The following ZNF746 variants were observed in gnomAD, a reference collection of about 807,000 sequenced individuals.
ZNF746 encodes zinc finger protein 746.
A neutral mutation model predicts 41.0 loss-of-function variants in ZNF746; 13 were observed. The observed-to-expected ratio is 0.32, with a 90% CI of 0.21 to 0.50. The LOEUF is 0.50. Among genes scored for constraint, ZNF746 ranks in the 20% least tolerant of loss-of-function variants. ZNF746 has a pLI of 0.98. For missense variants in ZNF746, 811 were observed against 922.9 expected, an observed-to-expected ratio of 0.88 and a Z score of 1.57; for synonymous variants, 424 against 396.2, an observed-to-expected ratio of 1.07 and a Z score of -0.83.
chr7:149,483,308 TA>T, intron 4 of ZNF746, among the ~76,000 whole-genome samples: 1 of 152,272 alleles, frequency 6.6e-6, no homozygotes, highest in East Asian at 1.9e-4. Flanking sequence ...CTTGTATGTT[TA>T]TATTAAAAAA....
At chr7:149,492,102 T>G in intron 4 of ZNF746, 1 of 671,528 alleles carries the variant, frequency 1.5e-6, no homozygotes, top group Non-Finnish European at 2.7e-6. Flanking sequence ...TTGCAAAGCT[T>G]TGGATTAATT....
At chr7:149,489,734 C>G (rs1384509860) in intron 4 of ZNF746, 2 of 152,994 alleles carry the variant, frequency 1.3e-5, no homozygotes, top group Non-Finnish European at 2.9e-5. Context: ...AAAGGGATTA[C>G]TCTGCTGGGC....
At chr7:149,489,288 A>G (rs1417953129) in intron 4 of ZNF746, 1 of 151,794 alleles carries the variant, frequency 6.6e-6, no homozygotes, top group Non-Finnish European at 1.5e-5. Context: ...TTAAATTTTG[A>G]AACAGCATAC....
At chr7:149,485,554 T>C (rs1404527061) in intron 4 of ZNF746, among the ~76,000 whole-genome samples, 18 of 152,178 alleles carry the variant, frequency 1.2e-4, no homozygotes, top group Admixed American at 1.1e-3. Context: ...GGTGCACTGG[T>C]GTACTACAAC....
At chr7:149,493,964 C>CA (rs1276332707) in intron 3 of ZNF746, 25 bp downstream of exon 3, 1 of 1,614,202 alleles carries the variant, frequency 6.2e-7, no homozygotes, top group Admixed American at 1.7e-5. Context: ...TCCCATTTAA[C>CA]AGAGAAATGA....
Position 149,477,687 on chromosome 7 carries a change from G to A in ZNF746, c.634C>T (p.Gln212Ter). 1 of 1,613,948 alleles carries A rather than the reference G, an allele frequency of 6.2e-7. No homozygotes were observed. Among genetic ancestry groups the A allele is most frequent in the Non-Finnish European group, 8.5e-7 (1 of 1,179,920 alleles). Reference protein sequence around the residue: ...QIKQEGELQLQEQQALGVEAW... With the variant: ...QIKQEGELQL ...TCCACGCCCAGGGCCTGCTGCTCCT[G>A]GAGCTGGAGCTCACCCTCCTGCTTG... Residue 212 changes from glutamine (Q) to a stop codon, truncating the protein, a stop_gained, in exon 5 of 7, where the codon CAG (glutamine) becomes TAG (stop). Transcript: ENST00000458143. LOFTEE classifies it high-confidence loss of function.
intron 4 of ZNF746, chr7:149,487,611 A>AC (rs1159155455): frequency 2.6e-5 from 4 of 152,206 alleles, no homozygotes; most frequent in Non-Finnish European, 5.9e-5. Context: ...AAAGAAACAA[A>AC]CCATTAGACA....
In ZNF746 at chr7:149,473,832, G is replaced by GA. The variant is rs1233151310; in HGVS notation, c.*551_*552insT. The GA allele has an allele frequency of 6.4e-6, 1 of 157,114 alleles. No homozygotes were observed. The highest frequency in any genetic ancestry group is 2.4e-5 in the African/African-American group (1 of 41,454). 9.7% of individuals were successfully genotyped at this position (157,114 alleles called of 1,614,324 possible). On this transcript the variant is annotated 3_prime_UTR_variant, in exon 7 of 7. Transcript: ENST00000458143. ...GAAATGCAACCGCTACTCCCGGAGG[G>GA]GTCCTTCCTGCTGCACTGAGGTGTG...
intron 4 of ZNF746, among the ~76,000 whole-genome samples, chr7:149,482,471 T>G (rs1255489996): frequency 6.6e-6 from 1 of 151,668 alleles, no homozygotes; most frequent in African/African-American, 2.4e-5. Context: ...TCTAAGGTTT[T>G]TTTTTTTTTT....
chr7:149,487,251 G>A (rs554504730), intron 4 of ZNF746, among the ~76,000 whole-genome samples: 4 of 152,170 alleles, frequency 2.6e-5, no homozygotes, highest in South Asian at 4.1e-4. Context: ...AAAAGGTTCC[G>A]GACTGCTATT....
At chr7:149,480,865 T>C (rs1395556730) in intron 4 of ZNF746, among the ~76,000 whole-genome samples, 1 of 152,094 alleles carries the variant, frequency 6.6e-6, no homozygotes, top group Admixed American at 6.5e-5. Context: ...GAGCTAAAAA[T>C]ATAAAGAGGG....
intron 4 of ZNF746, chr7:149,491,819 G>C: frequency 1.4e-6 from 1 of 699,310 alleles, no homozygotes; most frequent in South Asian, 1.5e-5. Flanking sequence ...GAGCCTTGCA[G>C]AGATGTGGTC....
At chr7:149,481,990 A>G (rs1470222519) in intron 4 of ZNF746, among the ~76,000 whole-genome samples, 1 of 152,260 alleles carries the variant, frequency 6.6e-6, no homozygotes. Context: ...CAGGTGAAAT[A>G]AATGTTAACA....
chr7:149,489,344 T>G (rs1176834555), intron 4 of ZNF746: 1 of 152,078 alleles, frequency 6.6e-6, no homozygotes, highest in Non-Finnish European at 1.5e-5. Flanking sequence ...TAGGCAATAC[T>G]CTAGGTTCCT....
chr7:149,493,345 C>T (rs548315131), intron 3 of ZNF746, among the ~76,000 whole-genome samples: 56 of 152,254 alleles, frequency 3.7e-4, no homozygotes, highest in South Asian at 1.0e-3. Context: ...CTTGTGCTGA[C>T]GAAACAACCT....
rs1350830001 is a variant in ZNF746 at position 149,497,409 on chromosome 7, C to T, written c.24+104G>A. ...GGAGCCCCAGGCCCGGTGGTCCGGC[C>T]CGGACCCCGGAACCCCTCCCCAGGG... On this transcript the variant is annotated intron_variant, in intron 1 of 6. Coordinates refer to ENST00000458143, the MANE Select transcript of ZNF746 (RefSeq NM_001394198.1). This position sits in a 1 kb window ranked among gnomAD's most constrained non-coding sequence, Gnocchi z 4.2. The T allele has an allele frequency of 9.8e-6, 10 of 1,019,490 alleles. No individual in the cohort carries two copies. Among genetic ancestry groups the T allele is most frequent in the Non-Finnish European group, 1.2e-5 (10 of 849,302 alleles). 63.2% of individuals were successfully genotyped at this position (1,019,490 alleles called of 1,614,324 possible). A position where few individuals can be genotyped will look rare whatever the true frequency, so the allele number is the denominator to read the frequency against.
At position 149,475,069 on chromosome 7, in the gene ZNF746, G is replaced by T; in HGVS notation, c.1298C>A (p.Ala433Asp). 6.3e-7 allele frequency: 1 copy of T among 1,592,202 alleles called. No individual in the cohort carries two copies. Among genetic ancestry groups the T allele is most frequent in the Non-Finnish European group, 8.5e-7 (1 of 1,170,198 alleles). The change falls in exon 7 of 7, where the codon GCC becomes GAC. Residue 433 changes from alanine (A) to aspartate (D), a missense_variant. This residue lies in a region of ZNF746 where 495 missense variants were observed against 481.6 expected (regional missense o/e 1.03). Coordinates refer to ENST00000458143, the MANE Select transcript of ZNF746 (RefSeq NM_001394198.1). ...NGEAILDPSQ[A>D]PRPFNEPCKY... ...ACAGGGTTCGTTGAATGGCCTTGGG[G>T]CCTGGCTGGGGTCCAAGATGGCCTC...
intron 6 of ZNF746, among the ~76,000 whole-genome samples, chr7:149,476,036 C>G (rs1350383943): frequency 6.6e-6 from 1 of 152,130 alleles, no homozygotes; most frequent in East Asian, 1.9e-4. Flanking sequence ...TGTGTTTGGC[C>G]AGGCGCGGTG....
At position 149,477,021 on chromosome 7, in the gene ZNF746, T is replaced by C. The variant is rs757871403; in HGVS notation, c.784A>G (p.Ile262Val). 18 of 1,613,024 alleles carry C rather than the reference T, an allele frequency of 1.1e-5. No individual in the cohort carries two copies. Among genetic ancestry groups the C allele is most frequent in the African/African-American group, 2.7e-5 (2 of 74,746 alleles). The change falls in exon 6 of 7, where the codon ATC (isoleucine) becomes GTC (valine). Residue 262 changes from isoleucine (I) to valine (V), a missense_variant. By Grantham distance (29) the Ile-to-Val change is conservative. This residue lies in a region of ZNF746 where 495 missense variants were observed against 481.6 expected (regional missense o/e 1.03). Transcript: ENST00000458143. Reference sequence around the variant, plus strand: ...TCCGTTTGCCAGGAGGTGGGCGGGATGGTGGTGGAAAAGTTGGAATGGACA... The same window carrying C: ...TCCGTTTGCCAGGAGGTGGGCGGGACGGTGGTGGAAAAGTTGGAATGGACA... ...SGVHSNFSTTIPPTSWQTDLP... is the reference protein window; with the variant it reads ...SGVHSNFSTTVPPTSWQTDLP...
Sources: gnomAD v4.1 joint callset for allele counts (sites outside exome capture counted in the v4.1 genomes callset) on GRCh38, gnomAD v4.1.1 for gene constraint, gnomAD v4.1.1 regional missense constraint, Gnocchi (gnomAD v3.1) non-coding constraint, MANE v1.5 for transcripts, NCBI Gene and HGNC (gene_info 2026-07-23, HGNC 2026-07-21) for gene names.